DCTN4: variants seen among roughly 807,000 people sequenced by gnomAD.
The protein encoded by DCTN4 is dynactin subunit 4, also known as dynactin 4 (p62).
DCTN4 carries 23 observed loss-of-function variants against 62.7 expected under a neutral mutation model. The ratio of observed to expected loss-of-function variants is 0.37; its 90% confidence interval spans 0.26 to 0.52. The LOEUF (loss-of-function observed/expected upper bound fraction) is 0.52, where lower values mean the gene tolerates loss of function less well. Among genes scored for constraint, DCTN4 ranks in the 20% least tolerant of loss-of-function variants. The probability of loss-of-function intolerance (pLI) is 0.92; values close to 1 mark genes in which losing one functional copy is unlikely to be tolerated. For missense variants in DCTN4, 514 were observed against 580.4 expected (o/e 0.89, Z 1.18); for synonymous variants, 199 against 202.1 (o/e 0.98, Z 0.13).
chr5:150,744,292 A>C (rs1287329198), intron 3 of DCTN4, among the ~76,000 whole-genome samples: 1 of 152,078 alleles, frequency 6.6e-6, no homozygotes, highest in Non-Finnish European at 1.5e-5. Flanking sequence ...GGACTATGTG[A>C]AAAGACCAAA....
intron 7 of DCTN4, 139 bp downstream of exon 7, chr5:150,730,905 T>C (rs1760337118): frequency 1.3e-6 from 1 of 772,478 alleles, no homozygotes; most frequent in South Asian, 1.8e-5. Flanking sequence ...TTACCTCTAT[T>C]ACAGCTGTTT....
At chr5:150,741,164 CAAAAAAA>C (rs754641920) in intron 4 of DCTN4, among the ~76,000 whole-genome samples, 8 of 58,346 alleles carry the variant, frequency 1.4e-4, no homozygotes, top group African/African-American at 4.4e-4. Context: ...GATCCTGTCT[CAAAAAAA>C]AAAAAAAAAA....
At chr5:150,711,460 GCA>G in intron 12 of DCTN4, 98 bp from the exon 13 acceptor site, 1 of 935,874 alleles carries the variant, frequency 1.1e-6, no homozygotes, top group South Asian at 1.5e-5. Flanking sequence ...CTTTCCTTCA[GCA>G]CACACAGAAA....
chr5:150,750,345 C>CTGGA (rs1349540826), intron 3 of DCTN4, among the ~76,000 whole-genome samples: 1 of 152,298 alleles, frequency 6.6e-6, no homozygotes, highest in East Asian at 1.9e-4. Context: ...TGACAAGGAA[C>CTGGA]TGGAGCTACA....
At chr5:150,729,339 T>C (rs1414435204) in intron 8 of DCTN4, among the ~76,000 whole-genome samples, 1 of 152,076 alleles carries the variant, frequency 6.6e-6, no homozygotes, top group Non-Finnish European at 1.5e-5. Flanking sequence ...TCAACGATTA[T>C]CAACTTCGGA....
At chr5:150,756,304 G>C in intron 2 of DCTN4, 113 bp downstream of exon 2, 1 of 642,500 alleles carries the variant, frequency 1.6e-6, no homozygotes, top group Non-Finnish European at 2.6e-6. Context: ...CTCCCAAAGT[G>C]CTGGGATTAC....
At chr5:150,742,656 G>C (rs1054143095) in intron 3 of DCTN4, among the ~76,000 whole-genome samples, 2 of 152,130 alleles carry the variant, frequency 1.3e-5, no homozygotes, top group African/African-American at 4.8e-5. Flanking sequence ...CAAAGGAAAA[G>C]ATTATTCAAG....
At chr5:150,742,217 A>C in intron 3 of DCTN4, 60 bp from the exon 4 acceptor site, 1 of 1,547,252 alleles carries the variant, frequency 6.5e-7, no homozygotes, top group Non-Finnish European at 8.9e-7. Context: ...ATTTTCATAA[A>C]ACAAGTCTTC....
In DCTN4 at chr5:150,709,415, T is replaced by C. The variant is rs1759483490; in HGVS notation, c.*1734A>G. On this transcript the variant is annotated 3_prime_UTR_variant, in exon 13 of 13. Transcript: ENST00000447998. ...TGCCCATTTCCTCCACTGGCAAATA[T>C]GGAGCAGTGATTTCACAGTAGGCTC... is the stretch of plus-strand genomic sequence containing the variant. 6.6e-6 allele frequency: 1 copy of C among 152,518 alleles called. No homozygotes were observed. The highest frequency in any genetic ancestry group is 2.1e-4 in the South Asian group (1 of 4,834). The allele number at this position is 152,518 out of a possible 1,614,324, so 9.4% of individuals were successfully genotyped here. A position where few individuals can be genotyped will look rare whatever the true frequency, so the allele number is the denominator to read the frequency against.
In DCTN4 at chr5:150,730,632, C is replaced by T. The variant is rs372179366; in HGVS notation, c.833G>A (p.Arg278His). ...CAGTCTACAGAATGGAATACTTACA[C>T]GGCAGCGCAGGGACCGTTTGATCAG... ...HLLIKRSLRC[R>H]KCEHNLSKPE... Residue 278 changes from arginine to histidine, a missense_variant and splice_region_variant, in exon 8 of 13, where the codon CGT becomes CAT. By Grantham distance (29) the Arg-to-His change is conservative (BLOSUM62 0). Coordinates refer to ENST00000447998, the MANE Select transcript of DCTN4 (RefSeq NM_016221.4). The T allele has an allele frequency of 8.7e-6, 14 of 1,613,084 alleles. No homozygotes were observed. Among genetic ancestry groups the T allele is most frequent in the East Asian group, 2.2e-5 (1 of 44,864 alleles).
intron 8 of DCTN4, among the ~76,000 whole-genome samples, chr5:150,727,531 T>G (rs6868200): frequency 2.6e-5 from 4 of 151,570 alleles, no homozygotes; most frequent in Admixed American, 2.6e-4. Context: ...AATCCCAGCA[T>G]TTTGGGAGGC....
Position 150,710,580 on chromosome 5 carries a change from G to A in DCTN4, c.*569C>T, listed in dbSNP as rs74635039. ...CTTCACAGGTTTTTCCAATCATCAT[G>A]ATACTAAAGATAAAGTGACAATTCA... On this transcript the variant is annotated 3_prime_UTR_variant, in exon 13 of 13. Coordinates refer to ENST00000447998, the MANE Select transcript of DCTN4 (RefSeq NM_016221.4). The A allele has an allele frequency of 9.5e-3, 1,471 of 154,194 alleles. 29 individuals carry two copies. The highest frequency in any genetic ancestry group is 0.081 in the East Asian group (432 of 5,358). The allele number at this position is 154,194 out of a possible 1,614,324, so 9.6% of individuals were successfully genotyped here.
At chr5:150,748,655 G>C (rs957310038) in intron 3 of DCTN4, among the ~76,000 whole-genome samples, 1 of 151,246 alleles carries the variant, frequency 6.6e-6, no homozygotes, top group African/African-American at 2.4e-5. Flanking sequence ...GATGATATTG[G>C]AAATCATCAT....
intron 11 of DCTN4, 149 bp downstream of exon 11, chr5:150,718,127 G>C (rs919776602): frequency 1.2e-5 from 7 of 570,228 alleles, no homozygotes; most frequent in Non-Finnish European, 2.2e-5. Flanking sequence ...GTGTGTTTCA[G>C]GATAAAGTAA....
chr5:150,744,395 A>G (rs1760882837), intron 3 of DCTN4, among the ~76,000 whole-genome samples: 1 of 151,922 alleles, frequency 6.6e-6, no homozygotes, highest in Non-Finnish European at 1.5e-5. Flanking sequence ...AACTTCCCCA[A>G]TCTAGCAAGG....
chr5:150,730,249 T>C (rs985648626), intron 8 of DCTN4, among the ~76,000 whole-genome samples: 2 of 152,262 alleles, frequency 1.3e-5, no homozygotes, highest in Non-Finnish European at 2.9e-5. Context: ...TTCTGTAGAT[T>C]ACCAGAGCCT....
At position 150,710,025 on chromosome 5, in the gene DCTN4, G is replaced by T. The variant is rs1759501652; in HGVS notation, c.*1124C>A. The T allele has an allele frequency of 6.6e-6, 1 of 152,312 alleles. No individual in the cohort carries two copies. Among genetic ancestry groups the T allele is most frequent in the Admixed American group, 6.5e-5 (1 of 15,268 alleles). 9.4% of individuals were successfully genotyped at this position (152,312 alleles called of 1,614,324 possible). ...AGGCCAGAACTGTGGGCTACTTGCTGAACTATTTTATGGTTTACAATCAAA... is the reference window on the plus strand; with the variant it reads ...AGGCCAGAACTGTGGGCTACTTGCTTAACTATTTTATGGTTTACAATCAAA... On this transcript the variant is annotated 3_prime_UTR_variant, in exon 13 of 13. Transcript: ENST00000447998.
intron 5 of DCTN4, 186 bp from the exon 6 acceptor site, chr5:150,731,675 T>A (rs1760376019): frequency 4.7e-6 from 3 of 636,346 alleles, no homozygotes; most frequent in Non-Finnish European, 8.2e-6. Context: ...CTTAAAATAA[T>A]AACAGCACTA....
intron 12 of DCTN4, among the ~76,000 whole-genome samples, chr5:150,713,365 G>A (rs1431717310): frequency 6.6e-6 from 1 of 151,804 alleles, no homozygotes; most frequent in Non-Finnish European, 1.5e-5. Flanking sequence ...CACTTGACCT[G>A]GTGCTTTCTG....
Sources: allele counts gnomAD v4.1 joint callset (sites outside exome capture counted in the v4.1 genomes callset), GRCh38; gene constraint gnomAD v4.1.1; transcripts MANE v1.5; gene names NCBI Gene and HGNC (gene_info 2026-07-23, HGNC 2026-07-21).